ST3GAL3: variants seen among roughly 807,000 people sequenced by gnomAD.
ST3GAL3 encodes the protein ST3 beta-galactoside alpha-2,3-sialyltransferase 3, also known as CMP-N-acetylneuraminate-beta-1,4-galactoside alpha-2,3-sialyltransferase.
A neutral mutation model predicts 50.1 loss-of-function variants in ST3GAL3; 21 were observed. The ratio of observed to expected loss-of-function variants is 0.42; its 90% CI spans 0.30 to 0.60. The LOEUF is 0.60. Ranked by LOEUF, ST3GAL3 falls within the 20% of genes least tolerant of loss-of-function variation. ST3GAL3 has a pLI of 0.19. For synonymous variants in ST3GAL3, 183 were observed against 190.0 expected (o/e 0.96, Z 0.30); for missense variants, 353 against 489.4 (o/e 0.72, Z 2.63).
At chr1:43,898,572 C>T in intron 7 of ST3GAL3, 1 of 531,150 alleles carries the variant, frequency 1.9e-6, no homozygotes, top group Non-Finnish European at 3.5e-6. Flanking sequence ...GGGACTAGCC[C>T]AGCAATGGGA....
chr1:43,794,625 A>C (rs1025272926), intron 3 of ST3GAL3, among the ~76,000 whole-genome samples: 4 of 152,256 alleles, frequency 2.6e-5, no homozygotes, highest in Non-Finnish European at 5.9e-5. Context: ...TATGTGTATA[A>C]GAATGTTTAT....
At chr1:43,811,803 G>A (rs758828565) in intron 3 of ST3GAL3, among the ~76,000 whole-genome samples, 5 of 152,110 alleles carry the variant, frequency 3.3e-5, no homozygotes, top group Non-Finnish European at 5.9e-5. Flanking sequence ...GTGAGAGACA[G>A]GTACCCATCC....
intron 3 of ST3GAL3, among the ~76,000 whole-genome samples, chr1:43,809,125 T>C (rs180984190): frequency 6.6e-6 from 1 of 151,146 alleles, no homozygotes; most frequent in Admixed American, 6.6e-5. Context: ...AGCATGAAAA[T>C]ACAACCTATA....
chr1:43,910,626 G>A (rs772290512), intron 9 of ST3GAL3, among the ~76,000 whole-genome samples: 35 of 152,230 alleles, frequency 2.3e-4, no homozygotes, highest in Non-Finnish European at 4.6e-4. Flanking sequence ...GTTGGCGAGA[G>A]CAACAGGGCC....
At chr1:43,851,696 T>C in intron 5 of ST3GAL3, 1 of 1,314,076 alleles carries the variant, frequency 7.6e-7, no homozygotes, top group Non-Finnish European at 1.1e-6. Context: ...GGACCACAGG[T>C]CAGCATCCTT....
At position 43,707,674 on chromosome 1, in the gene ST3GAL3, CT is replaced by C. The variant is rs1010965574; in HGVS notation, c.-49del. 4.6e-5 allele frequency: 7 copies of C among 152,036 alleles called. No individual in the cohort carries two copies. Among genetic ancestry groups the C allele is most frequent in the African/African-American group, 1.7e-4 (7 of 41,418 alleles). The allele number at this position is 152,036 out of a possible 1,614,324, so 9.4% of individuals were successfully genotyped here. On this transcript the variant is annotated 5_prime_UTR_variant, in exon 1 of 12. An upstream open reading frame in the 5' UTR loses its in-frame stop. Coordinates refer to ENST00000347631, the MANE Select transcript of ST3GAL3 (RefSeq NM_006279.5). ...CGTCGGGCCGGGCGCCACCTCCCCC[CT>C]GCCTCCCTCTCCGCTGTGGTAAGGG...
At chr1:43,803,437 T>C (rs1421198216) in intron 3 of ST3GAL3, among the ~76,000 whole-genome samples, 2 of 152,138 alleles carry the variant, frequency 1.3e-5, no homozygotes, top group Non-Finnish European at 2.9e-5. Context: ...GTATGTCTGT[T>C]AGTTTAAATT....
intron 5 of ST3GAL3, chr1:43,858,162 A>G (rs1013602565): frequency 6.0e-5 from 77 of 1,289,282 alleles, no homozygotes; most frequent in Non-Finnish European, 7.4e-5. Flanking sequence ...CATGGAGACA[A>G]AAACATATCC....
chr1:43,744,980 AACT>A (rs926292651), intron 2 of ST3GAL3, among the ~76,000 whole-genome samples: 3 of 146,808 alleles, frequency 2.0e-5, no homozygotes, highest in African/African-American at 7.3e-5. Context: ...GACAGAGTGA[AACT>A]GTGTTTGAAA....
intron 4 of ST3GAL3, among the ~76,000 whole-genome samples, chr1:43,826,589 G>A (rs891117537): frequency 2.0e-4 from 30 of 152,216 alleles, no homozygotes; most frequent in African/African-American, 4.3e-4. Flanking sequence ...CATTCTATGC[G>A]TCCAACATTA....
chr1:43,730,883 TG>T (rs1348758953), intron 1 of ST3GAL3, among the ~76,000 whole-genome samples: 2 of 152,196 alleles, frequency 1.3e-5, no homozygotes, highest in Admixed American at 6.5e-5. Flanking sequence ...TAAAACTTTA[TG>T]TATTTACTTT....
At chr1:43,738,503 G>GT (rs571604376) in intron 2 of ST3GAL3, 1,559 of 140,152 alleles carry the variant, frequency 0.011, 28 homozygotes, top group African/African-American at 0.036. Context: ...TTTTTTTTTT[G>GT]TTTTTTTTTT....
intron 2 of ST3GAL3, among the ~76,000 whole-genome samples, chr1:43,786,318 T>A (rs2057333340): frequency 6.6e-6 from 1 of 152,224 alleles, no homozygotes; most frequent in South Asian, 2.1e-4. Context: ...CTGTACACCC[T>A]CCTGCAGATG....
chr1:43,723,034 G>A (rs1215837360), intron 1 of ST3GAL3, among the ~76,000 whole-genome samples: 1 of 152,056 alleles, frequency 6.6e-6, no homozygotes, highest in Non-Finnish European at 1.5e-5. Flanking sequence ...GCTTGGTGCA[G>A]TCCCTGCATA....
chr1:43,726,701 T>A (rs1673084798), intron 1 of ST3GAL3, among the ~76,000 whole-genome samples: 1 of 152,198 alleles, frequency 6.6e-6, no homozygotes, highest in African/African-American at 2.4e-5. Flanking sequence ...TTCAAGCAAT[T>A]CTTCTGCCTC....
chr1:43,784,098 T>G (rs945850040), intron 2 of ST3GAL3, among the ~76,000 whole-genome samples: 26 of 152,164 alleles, frequency 1.7e-4, no homozygotes, highest in Non-Finnish European at 3.7e-4. Flanking sequence ...TTCAGTGCCT[T>G]TCCATAGCTG....
At chr1:43,901,021 G>C (rs530954582) in intron 9 of ST3GAL3, among the ~76,000 whole-genome samples, 1 of 152,222 alleles carries the variant, frequency 6.6e-6, no homozygotes, top group African/African-American at 2.4e-5. Flanking sequence ...AAATAACAGC[G>C]GTTCCAGGAG....
At chr1:43,762,128 GGAT>G (rs1690707912) in intron 2 of ST3GAL3, among the ~76,000 whole-genome samples, 1 of 151,088 alleles carries the variant, frequency 6.6e-6, no homozygotes, top group South Asian at 2.1e-4. Flanking sequence ...AAAATCAGTC[GGAT>G]GTGGTGGCAC....
chr1:43,763,118 A>G (rs773254024), intron 2 of ST3GAL3, among the ~76,000 whole-genome samples: 16 of 152,200 alleles, frequency 1.1e-4, no homozygotes, highest in Admixed American at 2.0e-4. Flanking sequence ...ATTGTTTTTA[A>G]TAGCAAAAAT....
Sources: allele counts gnomAD v4.1 joint callset (sites outside exome capture counted in the v4.1 genomes callset), GRCh38; gene constraint gnomAD v4.1.1; transcripts MANE v1.5; gene names NCBI Gene and HGNC (gene_info 2026-07-23, HGNC 2026-07-21).